Variants in SCAPER observed in about 807,000 individuals in gnomAD.
The protein encoded by SCAPER is S phase cyclin A-associated protein in the endoplasmic reticulum.
In SCAPER, 98 loss-of-function variants were observed where a neutral mutation model predicts 182.2. The observed-to-expected ratio is 0.54, with a 90% CI of 0.46 to 0.64. The LOEUF (loss-of-function observed/expected upper bound fraction) is 0.64, where lower values mean the gene tolerates loss of function less well. SCAPER is among the 30% of genes least tolerant of loss of function. The pLI, the probability that SCAPER is intolerant of heterozygous loss-of-function variation, is 0.00. For synonymous variants in SCAPER, 605 were observed against 564.6 expected, an observed-to-expected ratio of 1.07 and a Z score of -1.01; for missense variants, 1,432 against 1,690.0, an observed-to-expected ratio of 0.85 and a Z score of 2.68.
intron 1 of SCAPER, among the ~76,000 whole-genome samples, chr15:76,887,983 G>A (rs1209717421): frequency 6.6e-6 from 1 of 152,216 alleles, no homozygotes. Flanking sequence ...AATATTTGCT[G>A]TTCTGCAATA....
chr15:76,759,886 A>G (rs896912389), intron 14 of SCAPER, among the ~76,000 whole-genome samples: 2 of 152,180 alleles, frequency 1.3e-5, no homozygotes, highest in African/African-American at 4.8e-5. Context: ...GGATTTCTGC[A>G]TCTATGTTCA....
At chr15:76,555,354 A>G (rs2046115281) in intron 23 of SCAPER, among the ~76,000 whole-genome samples, 1 of 152,164 alleles carries the variant, frequency 6.6e-6, no homozygotes, top group Non-Finnish European at 1.5e-5. Context: ...GCTAACAACA[A>G]GATGACAGGA....
chr15:76,434,004 G>A, intron 26 of SCAPER, 74 bp downstream of exon 26: 1 of 1,248,084 alleles, frequency 8.0e-7, no homozygotes, highest in South Asian at 1.5e-5. Context: ...CCATCACATG[G>A]GCCTTGAGAT....
chr15:76,804,987 T>C (rs964902654), intron 5 of SCAPER, among the ~76,000 whole-genome samples: 3 of 152,174 alleles, frequency 2.0e-5, no homozygotes, highest in Admixed American at 6.5e-5. Context: ...GGCAGGAGAA[T>C]TGCTTAAGTC....
chr15:76,788,941 A>G (rs953271020), intron 8 of SCAPER, among the ~76,000 whole-genome samples: 1 of 152,166 alleles, frequency 6.6e-6, no homozygotes, highest in East Asian at 1.9e-4. Flanking sequence ...AGCTGGGACT[A>G]CAGAACTACA....
chr15:76,793,961 GAA>G (rs1407140082), intron 8 of SCAPER, among the ~76,000 whole-genome samples: 1 of 152,220 alleles, frequency 6.6e-6, no homozygotes, highest in African/African-American at 2.4e-5. Flanking sequence ...GTCTGCTGCA[GAA>G]CTGATTGATT....
intron 26 of SCAPER, among the ~76,000 whole-genome samples, chr15:76,419,224 C>T (rs1331447085): frequency 6.6e-6 from 1 of 151,850 alleles, no homozygotes; most frequent in African/African-American, 2.4e-5. Context: ...TAGGACCCAC[C>T]TACAGGTGGC....
intron 22 of SCAPER, among the ~76,000 whole-genome samples, chr15:76,578,657 G>A (rs2468116): frequency 0.15 from 23,282 of 152,226 alleles, 2,013 homozygotes; most frequent in African/African-American, 0.24. Flanking sequence ...CTGGGCTTGG[G>A]GTTCCCCCAA....
chr15:76,712,794 C>T (rs2059662232), intron 17 of SCAPER, among the ~76,000 whole-genome samples: 1 of 151,490 alleles, frequency 6.6e-6, no homozygotes, highest in African/African-American at 2.4e-5. Context: ...ATTTTGTATC[C>T]TGAGACTTTG....
intron 15 of SCAPER, among the ~76,000 whole-genome samples, chr15:76,751,334 T>C (rs930427320): frequency 1.3e-5 from 2 of 151,776 alleles, no homozygotes; most frequent in African/African-American, 4.8e-5. Context: ...ATGCAATCTT[T>C]ACCAAAATTC....
intron 15 of SCAPER, among the ~76,000 whole-genome samples, chr15:76,747,639 T>G (rs984266207): frequency 6.6e-6 from 1 of 151,512 alleles, no homozygotes; most frequent in Non-Finnish European, 1.5e-5. Flanking sequence ...GAGGGGTGAG[T>G]TCTGCTATAT....
At chr15:76,651,859 G>A (rs2055078513) in intron 21 of SCAPER, among the ~76,000 whole-genome samples, 1 of 146,234 alleles carries the variant, frequency 6.8e-6, no homozygotes. Flanking sequence ...CACAAACACA[G>A]ATGCAAAAAT....
At chr15:76,540,458 T>G (rs978392050) in intron 23 of SCAPER, among the ~76,000 whole-genome samples, 1 of 152,166 alleles carries the variant, frequency 6.6e-6, no homozygotes, top group Non-Finnish European at 1.5e-5. Context: ...TAGATCTTCA[T>G]GTGTTGACAT....
chr15:76,762,655 C>CA (rs779215254), intron 14 of SCAPER, among the ~76,000 whole-genome samples: 46 of 152,164 alleles, frequency 3.0e-4, no homozygotes, highest in Non-Finnish European at 6.2e-4. Flanking sequence ...TCCCCTCCCC[C>CA]ACTCTACCTT....
At chr15:76,493,872 T>C (rs1179064211) in intron 24 of SCAPER, among the ~76,000 whole-genome samples, 1 of 152,202 alleles carries the variant, frequency 6.6e-6, no homozygotes, top group East Asian at 1.9e-4. Context: ...AATGCCTCAA[T>C]ATGTCAAATG....
At chr15:76,499,923 T>C (rs1424577177) in intron 24 of SCAPER, among the ~76,000 whole-genome samples, 1 of 152,164 alleles carries the variant, frequency 6.6e-6, no homozygotes, top group Non-Finnish European at 1.5e-5. Context: ...GACTTAGGGA[T>C]TTAAAGCTCA....
intron 15 of SCAPER, among the ~76,000 whole-genome samples, chr15:76,752,532 T>C (rs574677629): frequency 1.3e-5 from 2 of 151,846 alleles, no homozygotes; most frequent in South Asian, 4.1e-4. Context: ...ATACATACAA[T>C]GGAAAATTAC....
intron 20 of SCAPER, among the ~76,000 whole-genome samples, chr15:76,685,011 A>G (rs1172570471): frequency 3.3e-5 from 5 of 152,070 alleles, no homozygotes; most frequent in African/African-American, 4.8e-5. Flanking sequence ...ACAGAATATT[A>G]GCAAAGAATA....
At chr15:76,521,653 T>C (rs1414456529) in intron 23 of SCAPER, among the ~76,000 whole-genome samples, 2 of 152,184 alleles carry the variant, frequency 1.3e-5, no homozygotes, top group Non-Finnish European at 2.9e-5. Flanking sequence ...ATTAACAAAA[T>C]GGCCTAATTA....
Sources: allele counts gnomAD v4.1 joint callset (sites outside exome capture counted in the v4.1 genomes callset), GRCh38; gene constraint gnomAD v4.1.1; transcripts MANE v1.5; gene names NCBI Gene and HGNC (gene_info 2026-07-23, HGNC 2026-07-21).